Variants in MYO16 observed in about 807,000 individuals in gnomAD.
The protein encoded by MYO16 is myosin XVI.
Under a neutral mutation model 205.3 loss-of-function variants are expected in MYO16, and 94 were observed. That is an observed-to-expected ratio of 0.46 (90% CI 0.39 to 0.54). The LOEUF (loss-of-function observed/expected upper bound fraction) is 0.54, where lower values mean the gene tolerates loss of function less well. Ranked by LOEUF, MYO16 falls within the 20% of genes least tolerant of loss-of-function variation. The probability of loss-of-function intolerance (pLI) is 0.00; values close to 1 mark genes in which losing one functional copy is unlikely to be tolerated. For synonymous variants in MYO16, 988 were observed against 954.0 expected, an observed-to-expected ratio of 1.04 and a Z score of -0.66; for missense variants, 2,315 against 2,387.5, an observed-to-expected ratio of 0.97 and a Z score of 0.63.
At chr13:108,959,052 T>G (rs1321982663) in intron 17 of MYO16, among the ~76,000 whole-genome samples, 2 of 151,702 alleles carry the variant, frequency 1.3e-5, no homozygotes, top group Admixed American at 6.6e-5. Context: ...GTGGGGAGGG[T>G]GGAGAGGTCC....
intron 20 of MYO16, among the ~76,000 whole-genome samples, chr13:108,975,256 T>G (rs1457064317): frequency 6.6e-6 from 1 of 152,090 alleles, no homozygotes; most frequent in Non-Finnish European, 1.5e-5. Flanking sequence ...CATGTTTTGC[T>G]GGATTAAGCA....
chr13:108,706,239 T>C (rs1257569408), intron 2 of MYO16, among the ~76,000 whole-genome samples: 3 of 152,184 alleles, frequency 2.0e-5, no homozygotes, highest in Non-Finnish European at 4.4e-5. Flanking sequence ...TAAAATTGAA[T>C]TGATGGGCTG....
chr13:108,838,839 C>T (rs529447781), intron 9 of MYO16, among the ~76,000 whole-genome samples: 8 of 151,040 alleles, frequency 5.3e-5, no homozygotes, highest in South Asian at 4.2e-4. Flanking sequence ...TTCAAAGAAG[C>T]GTAGAACATA....
chr13:108,897,952 A>G, intron 14 of MYO16, 64 bp from the exon 15 acceptor site: 1 of 1,237,218 alleles, frequency 8.1e-7, no homozygotes, highest in Non-Finnish European at 1.2e-6. Flanking sequence ...CATCGTCGCT[A>G]TTACTCATCA....
At chr13:108,625,880 T>C (rs766885132), upstream of MYO16, among the ~76,000 whole-genome samples, 2 of 152,246 alleles carry the variant, frequency 1.3e-5, no homozygotes, top group African/African-American at 2.4e-5. Context: ...GCAGGCACTA[T>C]TAGATTAGGA....
chr13:108,841,877 A>G (rs1397714925), intron 9 of MYO16, among the ~76,000 whole-genome samples: 2 of 152,172 alleles, frequency 1.3e-5, no homozygotes, highest in African/African-American at 4.8e-5. Flanking sequence ...AATAAAACAG[A>G]CACATAGACC....
chr13:108,776,421 CA>C (rs1425006861), intron 4 of MYO16, among the ~76,000 whole-genome samples: 4 of 152,190 alleles, frequency 2.6e-5, no homozygotes, highest in Non-Finnish European at 2.9e-5. Context: ...CTTTTGACCT[CA>C]GTTCACACCT....
At chr13:109,177,520 A>T (rs1162309688) in intron 33 of MYO16, among the ~76,000 whole-genome samples, 6 of 151,432 alleles carry the variant, frequency 4.0e-5, no homozygotes, top group Non-Finnish European at 8.8e-5. Context: ...TTTATTTATT[A>T]TTTATTTATT....
intron 34 of MYO16, among the ~76,000 whole-genome samples, chr13:109,185,052 G>A (rs951123284): frequency 2.0e-5 from 3 of 152,128 alleles, no homozygotes; most frequent in Non-Finnish European, 4.4e-5. Flanking sequence ...TTACAGGAGT[G>A]AGCCACCGCA....
At chr13:109,157,474 C>T (rs1566539784) in intron 32 of MYO16, among the ~76,000 whole-genome samples, 1 of 152,126 alleles carries the variant, frequency 6.6e-6, no homozygotes, top group Non-Finnish European at 1.5e-5. Context: ...CCGTCCTCAA[C>T]TCAAAATCCA....
chr13:108,563,196 T>C, the MYO16 span, among the ~76,000 whole-genome samples: 1 of 152,214 alleles, frequency 6.6e-6, no homozygotes, highest in Admixed American at 6.5e-5. Flanking sequence ...TTAAAAATTG[T>C]TTATTTTTAA....
chr13:108,871,554 G>A (rs1480941328), intron 12 of MYO16, among the ~76,000 whole-genome samples: 3 of 152,062 alleles, frequency 2.0e-5, no homozygotes, highest in African/African-American at 7.2e-5. Flanking sequence ...GTGAAGTCTC[G>A]TTTAATTTTT....
rs912159444 is a variant in MYO16, at chr13:109,133,546, C to T, written c.4051+5996C>T. Among the ~76,000 whole-genome samples the T allele has an allele frequency of 5.3e-5, 8 of 152,316 alleles. 2 individuals are homozygous for T. In the South Asian group the frequency reaches 1.7e-3, roughly 32 times the overall value. ...CCTAACGTGACACACATGTCCGTAT[C>T]ATTCTGCAGCAGTTCAGATAAGAGG... is the stretch of plus-strand genomic sequence containing the variant. On this transcript the variant is annotated intron_variant, in intron 31 of 34. Coordinates refer to ENST00000457511, the MANE Select transcript of MYO16 (RefSeq NM_001198950.3).
chr13:108,787,712 CT>C lies in MYO16; in HGVS notation c.616+1970del, dbSNP rs551556579. On this transcript the variant is annotated intron_variant, in intron 5 of 34. Transcript: ENST00000457511. The stretch of plus-strand genomic sequence containing the variant: ...TAAATGGCTGGTAGAAAATCTGTCA[CT>C]ACTATGGCTGTCACAGTCAGCTTGT... Among the ~76,000 whole-genome samples, 8 of 152,314 alleles carry C rather than the reference CT, an allele frequency of 5.3e-5. No individual in the cohort carries two copies. In the East Asian group the frequency reaches 1.5e-3, roughly 29 times the overall value.
chr13:108,919,794 A>G (rs541936620), intron 16 of MYO16, among the ~76,000 whole-genome samples: 58 of 152,378 alleles, frequency 3.8e-4, no homozygotes, highest in African/African-American at 1.3e-3. Context: ...TCAAATTCCC[A>G]AAAGTTCTGA....
chr13:109,113,472 G>T (rs1214822702), intron 28 of MYO16, among the ~76,000 whole-genome samples: 2 of 152,146 alleles, frequency 1.3e-5, no homozygotes, highest in African/African-American at 2.4e-5. Context: ...AATAATTTTA[G>T]ACAAGAAAGG....
chr13:108,813,383 T>C (rs1163701300), intron 7 of MYO16, among the ~76,000 whole-genome samples: 1 of 152,138 alleles, frequency 6.6e-6, no homozygotes, highest in Non-Finnish European at 1.5e-5. Context: ...TCAAGTGGGG[T>C]ATGCAAGTAC....
At chr13:108,496,056 C>T in the MYO16 span, among the ~76,000 whole-genome samples, 5 of 152,254 alleles carry the variant, frequency 3.3e-5, no homozygotes, top group South Asian at 4.1e-4. Flanking sequence ...CGGGAGGGTG[C>T]CCCGGGTCGG....
chr13:108,625,660 C>G (rs1328742274), upstream of MYO16, among the ~76,000 whole-genome samples: 1 of 152,130 alleles, frequency 6.6e-6, no homozygotes, highest in Non-Finnish European at 1.5e-5. Context: ...TCATCAAAGG[C>G]TAATATTTAT....
Sources: gnomAD v4.1 joint callset for allele counts (sites outside exome capture counted in the v4.1 genomes callset) on GRCh38, gnomAD v4.1.1 for gene constraint, MANE v1.5 for transcripts, NCBI Gene and HGNC (gene_info 2026-07-23, HGNC 2026-07-21) for gene names.